NUP98: variants seen among roughly 807,000 people sequenced by gnomAD.
NUP98 encodes nucleoporin 98 and 96 precursor, also known as nuclear pore complex protein Nup98-Nup96.
In NUP98, 26 loss-of-function variants were observed where a neutral mutation model predicts 191.9. The ratio of observed to expected loss-of-function variants is 0.14; its 90% CI spans 0.10 to 0.19. The LOEUF (loss-of-function observed/expected upper bound fraction) is 0.19, where lower values mean the gene tolerates loss of function less well. Among genes scored for constraint, NUP98 ranks in the 10% least tolerant of loss-of-function variants. The pLI is 1.00. For missense variants in NUP98, 1,941 were observed against 2,178.8 expected (o/e 0.89, Z 2.17); for synonymous variants, 808 against 778.4 (o/e 1.04, Z -0.63).
chr11:3,765,067 A>T (rs916311551), intron 8 of NUP98, among the ~76,000 whole-genome samples: 1 of 152,242 alleles, frequency 6.6e-6, no homozygotes, highest in East Asian at 1.9e-4. Flanking sequence ...CTACTGAATT[A>T]TAAGAGTTAT....
intron 18 of NUP98, 30 bp from the exon 19 acceptor site, chr11:3,714,025 A>T (rs2079098766): frequency 1.2e-6 from 2 of 1,607,664 alleles, no homozygotes. Flanking sequence ...AAAGTAACCA[A>T]TTAAAGTAAA....
chr11:3,741,339 C>T (rs61877593), intron 12 of NUP98, among the ~76,000 whole-genome samples: 7,678 of 15,102 alleles, frequency 0.51, 256 homozygotes, highest in Middle Eastern at 0.52. Flanking sequence ...AAACAAAAAT[C>T]TGGCAGGAGC....
intron 14 of NUP98, among the ~76,000 whole-genome samples, chr11:3,729,241 G>C (rs1190424814): frequency 1.3e-5 from 2 of 152,064 alleles, no homozygotes; most frequent in Admixed American, 6.6e-5. Flanking sequence ...CAACAACTGA[G>C]CCAAGGGCAT....
At chr11:3,762,196 A>C (rs1345568276) in intron 9 of NUP98, among the ~76,000 whole-genome samples, 1 of 151,602 alleles carries the variant, frequency 6.6e-6, no homozygotes, top group Non-Finnish European at 1.5e-5. Flanking sequence ...TGCAACCTCC[A>C]CTTCCTGGGT....
intron 18 of NUP98, among the ~76,000 whole-genome samples, chr11:3,719,174 G>C (rs2079300359): frequency 6.6e-6 from 1 of 151,362 alleles, no homozygotes; most frequent in Non-Finnish European, 1.5e-5. Flanking sequence ...AAATAGAATA[G>C]AATCGAATCC....
At chr11:3,696,478 G>A (rs1336925079) in intron 25 of NUP98, among the ~76,000 whole-genome samples, 1 of 152,008 alleles carries the variant, frequency 6.6e-6, no homozygotes, top group Non-Finnish European at 1.5e-5. Flanking sequence ...CTCCAGCCTG[G>A]GTGACAGACC....
chr11:3,787,387 G>A (rs920757874), intron 1 of NUP98, among the ~76,000 whole-genome samples: 1 of 151,566 alleles, frequency 6.6e-6, no homozygotes, highest in African/African-American at 2.4e-5. Context: ...TTCGAGACCA[G>A]ACTGGCCAAT....
rs1191506459 is a variant in NUP98 at position 3,699,264 on chromosome 11, G to C, written c.3827C>G (p.Pro1276Arg). Residue 1276 changes from proline to arginine, a missense_variant, in exon 25 of 33, where the codon CCC (proline) becomes CGC (arginine). Around this residue, in one of 6 missense-constraint regions of NUP98, gnomAD observed 1,030 missense variants for 1,115.8 expected, o/e 0.92. Coordinates refer to ENST00000324932, the MANE Select transcript of NUP98 (RefSeq NM_016320.5). The stretch of plus-strand genomic sequence containing the variant: ...CTCCAGAATTTGAATGTATTCACGG[G>C]GTTCATTTAGCTGGCTGTCAAGCTC... ...LKELDSQLNE[P>R]REYIQILERR... The C allele has an allele frequency of 6.2e-7, 1 of 1,614,158 alleles. No homozygotes were observed.
In NUP98 at chr11:3,675,281, A is replaced by C. The variant is rs1368500183; in HGVS notation, c.*878T>G. On this transcript the variant is annotated 3_prime_UTR_variant, in exon 33 of 33. Transcript: ENST00000324932. ...TAACGCCCAACTCCATGCCTGCCTC[A>C]GTCATGGTTTGTTTTTGCTTCTGGA... 1 of 218,280 alleles carries C rather than the reference A, an allele frequency of 4.6e-6. No homozygotes were observed. The highest frequency in any genetic ancestry group is 9.2e-6 in the Non-Finnish European group (1 of 108,272). 13.5% of individuals were successfully genotyped at this position (218,280 alleles called of 1,614,324 possible).
intron 19 of NUP98, 120 bp from the exon 20 acceptor site, chr11:3,712,848 A>G: frequency 9.9e-7 from 1 of 1,006,602 alleles, no homozygotes; most frequent in East Asian, 2.5e-5. Context: ...ATATCTAAGT[A>G]TTTAAAGCAA....
At chr11:3,797,044 G>A (rs930814914) in intron 1 of NUP98, among the ~76,000 whole-genome samples, 2 of 152,248 alleles carry the variant, frequency 1.3e-5, no homozygotes, top group African/African-American at 2.4e-5. Flanking sequence ...GTGCGGGGCA[G>A]ACCGTATTCA....
chr11:3,699,391 A>G, intron 24 of NUP98, 43 bp from the exon 25 acceptor site: 1 of 1,602,954 alleles, frequency 6.2e-7, no homozygotes, highest in South Asian at 1.1e-5. Context: ...ACAAAGTCTT[A>G]CAACAACTTC....
chr11:3,769,100 A>G (rs1251630949), intron 7 of NUP98, among the ~76,000 whole-genome samples: 1 of 152,184 alleles, frequency 6.6e-6, no homozygotes, highest in African/African-American at 2.4e-5. Context: ...ACATGAATAT[A>G]TCCAGCCCAG....
intron 1 of NUP98, among the ~76,000 whole-genome samples, chr11:3,794,239 G>A (rs948592374): frequency 6.6e-6 from 1 of 152,080 alleles, no homozygotes; most frequent in Non-Finnish European, 1.5e-5. Context: ...AAATACTTAC[G>A]GTCAATTTCA....
At chr11:3,702,305 ACACACACACTCTCTCTCTCTCTCT>A (rs1320719545) in intron 23 of NUP98, among the ~76,000 whole-genome samples, 134 bp downstream of exon 23, 5 of 59,376 alleles carry the variant, frequency 8.4e-5, no homozygotes, top group African/African-American at 3.1e-4. Context: ...ACACACACAC[ACACACACACTCTCTCTCTCTCTCT>A]CTCTCTCTCT....
At chr11:3,712,878 T>C in intron 19 of NUP98, 150 bp from the exon 20 acceptor site, 1 of 728,682 alleles carries the variant, frequency 1.4e-6, no homozygotes, top group Non-Finnish European at 2.2e-6. Context: ...CCTATCACAC[T>C]TTTATCTAAG....
intron 13 of NUP98, among the ~76,000 whole-genome samples, chr11:3,733,074 G>A (rs370432576): frequency 1.9e-4 from 29 of 152,270 alleles, no homozygotes; most frequent in South Asian, 6.2e-4. Context: ...AGAATTCACC[G>A]TTTTAACGCA....
At chr11:3,770,661 G>A (rs1420147637) in intron 7 of NUP98, among the ~76,000 whole-genome samples, 1 of 151,960 alleles carries the variant, frequency 6.6e-6, no homozygotes, top group Non-Finnish European at 1.5e-5. Context: ...AAGTGTATAA[G>A]GCAAGTATAT....
At chr11:3,684,161 G>A (rs898918285) in intron 29 of NUP98, among the ~76,000 whole-genome samples, 1 of 152,094 alleles carries the variant, frequency 6.6e-6, no homozygotes, top group African/African-American at 2.4e-5. Context: ...GCAGTGAGCC[G>A]AGATCACGCC....
Sources: gnomAD v4.1 joint callset for allele counts (sites outside exome capture counted in the v4.1 genomes callset) on GRCh38, gnomAD v4.1.1 for gene constraint, gnomAD v4.1.1 regional missense constraint, MANE v1.5 for transcripts, NCBI Gene and HGNC (gene_info 2026-07-23, HGNC 2026-07-21) for gene names.